CPO: variants seen among roughly 807,000 people sequenced by gnomAD.
The protein encoded by CPO is carboxypeptidase O, also known as metallocarboxypeptidase C.
In CPO, 43 loss-of-function variants were observed where a neutral mutation model predicts 41.2. The ratio of observed to expected loss-of-function variants is 1.04; its 90% CI spans 0.82 to 1.35. CPO has a LOEUF of 1.35. Ranked by LOEUF, CPO falls within the 40% of genes most tolerant of loss-of-function variation. CPO has a pLI of 0.00. For synonymous variants in CPO, 178 were observed against 162.7 expected, an observed-to-expected ratio of 1.09 and a Z score of -0.72; for missense variants, 408 against 451.7, an observed-to-expected ratio of 0.90 and a Z score of 0.88.
Position 206,962,604 on chromosome 2 carries a change from A to C in CPO, c.767A>C (p.His256Pro). ...YGYTKNKSSNHPEMIQVGQKA... is the reference protein window; with the variant it reads ...YGYTKNKSSNPPEMIQVGQKA... The stretch of plus-strand genomic sequence containing the variant: ...TACACCAAAAATAAATCAAGTAACC[A>C]CCCAGAAATGGTGAGTCCATAGCAC... Residue 256 changes from histidine (H) to proline (P), a missense_variant, in exon 7 of 9, where the codon CAC (histidine) becomes CCC (proline). His to Pro is a moderately conservative substitution (Grantham distance 77, BLOSUM62 -2). Coordinates refer to ENST00000272852, the MANE Select transcript of CPO (RefSeq NM_173077.3). 6.2e-7 allele frequency: 1 copy of C among 1,613,944 alleles called. No individual in the cohort carries two copies. Among genetic ancestry groups the C allele is most frequent in the Non-Finnish European group, 8.5e-7 (1 of 1,179,860 alleles).
At chr2:206,949,816 A>G (rs1693217251) in intron 2 of CPO, 103 bp downstream of exon 2, 2 of 676,388 alleles carry the variant, frequency 3.0e-6, no homozygotes, top group African/African-American at 3.6e-5. Flanking sequence ...AGAGGCTGAA[A>G]ATGTGGTGTT....
rs1043469043 is a variant in CPO, at chr2:206,959,871, G to T, written c.483+130G>T. ...TATGTAAAGAAAGGAACCCCATTTGGGATAAAAATCAGCTTAACATTTTTA... is the reference window on the plus strand; with the variant it reads ...TATGTAAAGAAAGGAACCCCATTTGTGATAAAAATCAGCTTAACATTTTTA... On this transcript the variant is annotated intron_variant, in intron 5 of 8. Transcript: ENST00000272852. 7 of 514,014 alleles carry T rather than the reference G, an allele frequency of 1.4e-5. No individual in the cohort carries two copies. The South Asian group carries it at 1.5e-4, about 11-fold the overall frequency. 31.8% of individuals were successfully genotyped at this position (514,014 alleles called of 1,614,324 possible).
chr2:206,953,160 C>T (rs933724975), intron 2 of CPO, among the ~76,000 whole-genome samples: 1 of 152,204 alleles, frequency 6.6e-6, no homozygotes, highest in Non-Finnish European at 1.5e-5. Flanking sequence ...CATGTCATCA[C>T]ATTTCAAAAC....
Position 206,943,674 on chromosome 2 carries a change from TGATAGATAGATA to T in CPO, c.68+4039_68+4050del, listed in dbSNP as rs71987761. Among the ~76,000 whole-genome samples the T allele has an allele frequency of 5.3e-3, 569 of 106,586 alleles. 2 individuals are homozygous for T. Among genetic ancestry groups the T allele is most frequent in the East Asian group, 0.012 (43 of 3,490 alleles). 69.9% of individuals were successfully genotyped at this position (106,586 alleles called of 152,430 possible). ...TTACGATCAAATGAAGATAGATAGA[TGATAGATAGATA>T]GATAGATAGATAGATAGATAGATAG... On this transcript the variant is annotated intron_variant, in intron 1 of 8. Transcript: ENST00000272852.
intron 1 of CPO, 84 bp from the exon 2 acceptor site, chr2:206,949,533 C>A: frequency 1.1e-6 from 1 of 928,554 alleles, no homozygotes; most frequent in Non-Finnish European, 1.8e-6. Flanking sequence ...CACACTGATT[C>A]TACTACCTTT....
chr2:206,942,984 C>T (rs1693056914), intron 1 of CPO, among the ~76,000 whole-genome samples: 1 of 152,066 alleles, frequency 6.6e-6, no homozygotes, highest in Non-Finnish European at 1.5e-5. Flanking sequence ...CAATGCTGGG[C>T]TTAGGAAGTA....
At chr2:206,953,074 A>G (rs1176388377) in intron 2 of CPO, among the ~76,000 whole-genome samples, 1 of 152,182 alleles carries the variant, frequency 6.6e-6, no homozygotes, top group Non-Finnish European at 1.5e-5. Flanking sequence ...GGGACTATAG[A>G]AACTACAATT....
chr2:206,959,401 G>T (rs966597108), intron 4 of CPO, among the ~76,000 whole-genome samples: 3 of 152,170 alleles, frequency 2.0e-5, no homozygotes, highest in Admixed American at 1.3e-4. Context: ...GGTGAATGGG[G>T]TAAGGGAGAG....
chr2:206,955,669 G>A, intron 3 of CPO, 105 bp downstream of exon 3: 2 of 733,478 alleles, frequency 2.7e-6, no homozygotes, highest in Non-Finnish European at 4.9e-6. Flanking sequence ...AGGCTATGCA[G>A]AATCAGTTTG....
chr2:206,956,899 C>G (rs765356314), intron 3 of CPO, among the ~76,000 whole-genome samples: 2 of 152,178 alleles, frequency 1.3e-5, no homozygotes, highest in Non-Finnish European at 2.9e-5. Context: ...TAAGCATGGG[C>G]CACCTGCCTA....
intron 6 of CPO, 98 bp downstream of exon 6, chr2:206,961,040 A>G: frequency 2.4e-6 from 2 of 850,646 alleles, no homozygotes; most frequent in Non-Finnish European, 4.0e-6. Flanking sequence ...AATAACATCT[A>G]ATATGGTACA....
intron 2 of CPO, among the ~76,000 whole-genome samples, chr2:206,950,111 T>C (rs1038174701): frequency 1.5e-4 from 23 of 152,130 alleles, no homozygotes; most frequent in African/African-American, 2.4e-5. Flanking sequence ...TAGCTGAAAA[T>C]GTATTTATTG....
chr2:206,954,739 G>C (rs1238465672), intron 2 of CPO, among the ~76,000 whole-genome samples: 1 of 152,176 alleles, frequency 6.6e-6, no homozygotes, highest in Non-Finnish European at 1.5e-5. Context: ...AAAGGAAAGA[G>C]ATTTAATTGA....
chr2:206,943,514 T>C (rs1230567021), intron 1 of CPO, among the ~76,000 whole-genome samples: 1 of 152,068 alleles, frequency 6.6e-6, no homozygotes, highest in Non-Finnish European at 1.5e-5. Flanking sequence ...GGACGATTTT[T>C]TAGCCCCTAA....
At chr2:206,951,061 C>A (rs6731163) in intron 2 of CPO, among the ~76,000 whole-genome samples, 9,835 of 151,118 alleles carry the variant, frequency 0.065, 642 homozygotes, top group African/African-American at 0.16. Context: ...CACATGTATC[C>A]TAGAACTTAA....
chr2:206,943,747 TA>T (rs1480442641), intron 1 of CPO, among the ~76,000 whole-genome samples: 3 of 142,700 alleles, frequency 2.1e-5, no homozygotes, highest in East Asian at 2.2e-4. Context: ...GATAGATAGA[TA>T]GATAGATAGA....
intron 1 of CPO, among the ~76,000 whole-genome samples, chr2:206,944,028 T>C (rs1038465303): frequency 2.6e-5 from 4 of 152,104 alleles, no homozygotes; most frequent in African/African-American, 9.7e-5. Context: ...TTATGTCTTA[T>C]TGTCTTAAGT....
intron 8 of CPO, 105 bp downstream of exon 8, chr2:206,968,452 T>G (rs1209718621): frequency 1.7e-4 from 121 of 708,928 alleles, no homozygotes; most frequent in Non-Finnish European, 1.8e-5. Context: ...GTTCCTGGGA[T>G]CAACAGGGAG....
At chr2:206,968,411 A>C in intron 8 of CPO, 64 bp downstream of exon 8, 1 of 914,966 alleles carries the variant, frequency 1.1e-6, no homozygotes, top group Non-Finnish European at 1.8e-6. Flanking sequence ...TGGACTTTGG[A>C]TGGTGAGATA....
Sources: allele counts gnomAD v4.1 joint callset (sites outside exome capture counted in the v4.1 genomes callset), GRCh38; gene constraint gnomAD v4.1.1; transcripts MANE v1.5; gene names NCBI Gene and HGNC (gene_info 2026-07-23, HGNC 2026-07-21).